The following ATP10B variants were observed in gnomAD, a reference collection of about 807,000 sequenced individuals.
ATP10B encodes ATPase phospholipid transporting 10B (putative).
Under a neutral mutation model 141.2 loss-of-function variants are expected in ATP10B, and 122 were observed. The ratio of observed to expected loss-of-function variants is 0.86; its 90% confidence interval spans 0.75 to 1.00. The LOEUF is 1.00. Among genes scored for constraint, ATP10B ranks in the 50% least tolerant of loss-of-function variants. ATP10B has a pLI of 0.00. For missense variants in ATP10B, 1,876 were observed against 1,825.3 expected, an observed-to-expected ratio of 1.03 and a Z score of -0.51; for synonymous variants, 685 against 692.0, an observed-to-expected ratio of 0.99 and a Z score of 0.16.
intron 15 of ATP10B, among the ~76,000 whole-genome samples, 193 bp from the exon 16 acceptor site, chr5:160,618,166 G>A (rs1334608993): frequency 6.6e-6 from 1 of 152,172 alleles, no homozygotes. Flanking sequence ...GAGTCCTTAA[G>A]CTGTCTGCTC....
At chr5:160,922,179 T>C in the ATP10B span, among the ~76,000 whole-genome samples, 2 of 152,154 alleles carry the variant, frequency 1.3e-5, no homozygotes, top group African/African-American at 4.8e-5. Context: ...AGAGGTAGAT[T>C]CACTGTGTAG....
chr5:160,598,715 G>T, intron 22 of ATP10B, 55 bp downstream of exon 22: 3 of 1,546,730 alleles, frequency 1.9e-6, no homozygotes, highest in Middle Eastern at 3.9e-4. Flanking sequence ...CAGAGGGGAG[G>T]TAGAGGTCAG....
intron 1 of ATP10B, among the ~76,000 whole-genome samples, chr5:160,828,162 T>C (rs964948711): frequency 2.5e-4 from 38 of 152,136 alleles, no homozygotes; most frequent in African/African-American, 9.2e-4. Flanking sequence ...AAGGACTTCA[T>C]GTCTAAAACA....
intron 6 of ATP10B, among the ~76,000 whole-genome samples, chr5:160,677,819 C>T (rs907455096): frequency 2.0e-5 from 3 of 152,222 alleles, no homozygotes; most frequent in Non-Finnish European, 4.4e-5. Context: ...ATAGCCCTGG[C>T]AAAGCTTAAA....
chr5:160,616,056 T>A, intron 16 of ATP10B, 92 bp from the exon 17 acceptor site: 1 of 1,416,322 alleles, frequency 7.1e-7, no homozygotes, highest in Admixed American at 2.4e-5. Flanking sequence ...CCTATTGGCC[T>A]GTTTGAACTT....
At chr5:160,798,154 G>A (rs1275721530) in intron 1 of ATP10B, among the ~76,000 whole-genome samples, 1 of 152,006 alleles carries the variant, frequency 6.6e-6, no homozygotes, top group Non-Finnish European at 1.5e-5. Flanking sequence ...GAGAGGACTT[G>A]GAAGTTCAAA....
At chr5:160,579,692 T>C (rs779548207) in intron 24 of ATP10B, among the ~76,000 whole-genome samples, 1 of 152,216 alleles carries the variant, frequency 6.6e-6, no homozygotes, top group Non-Finnish European at 1.5e-5. Context: ...ATTTTTCCAG[T>C]TCTGTGGAGA....
intron 1 of ATP10B, among the ~76,000 whole-genome samples, chr5:160,788,306 G>A (rs578127443): frequency 1.1e-4 from 17 of 152,246 alleles, no homozygotes; most frequent in East Asian, 3.9e-4. Context: ...ACAGCAAGAC[G>A]CCCAGGCCTT....
intron 16 of ATP10B, 59 bp downstream of exon 16, chr5:160,617,805 G>T (rs1758106943): frequency 2.1e-6 from 3 of 1,399,558 alleles, no homozygotes; most frequent in East Asian, 2.3e-5. Context: ...AAGAAGCAGG[G>T]TCAAGGCCAT....
At chr5:160,850,486 T>C (rs1361299082) in intron 1 of ATP10B, among the ~76,000 whole-genome samples, 2 of 152,080 alleles carry the variant, frequency 1.3e-5, no homozygotes, top group Admixed American at 1.3e-4. Flanking sequence ...CCTTGGACTC[T>C]GGTGTCCTTT....
rs73818112 is a variant in ATP10B at position 160,634,739 on chromosome 5, C to T, written c.1129-133G>A. On this transcript the variant is annotated intron_variant, in intron 11 of 25. Coordinates refer to ENST00000327245, the MANE Select transcript of ATP10B (RefSeq NM_025153.3). ...CAGGACAGACTCTCTGTGAAATTAA[C>T]GGTCAATGACCTCATGCATCCCTTG... 5.3e-3 allele frequency: 4,958 copies of T among 938,456 alleles called. 160 individuals carry two copies. In the African/African-American group the frequency reaches 0.071, roughly 13 times the overall value. 58.1% of individuals were successfully genotyped at this position (938,456 alleles called of 1,614,324 possible).
At chr5:160,588,868 A>G (rs1301675446) in intron 24 of ATP10B, among the ~76,000 whole-genome samples, 1 of 152,182 alleles carries the variant, frequency 6.6e-6, no homozygotes, top group African/African-American at 2.4e-5. Context: ...AAAATGTGAC[A>G]TTTGGATATG....
the ATP10B span, among the ~76,000 whole-genome samples, chr5:160,914,833 G>A: frequency 7.9e-3 from 1,196 of 152,260 alleles, 19 homozygotes; most frequent in African/African-American, 0.027. Context: ...CATTTCAAAG[G>A]ACCATGAAAA....
At chr5:160,821,728 G>C (rs983220978) in intron 1 of ATP10B, among the ~76,000 whole-genome samples, 1 of 151,908 alleles carries the variant, frequency 6.6e-6, no homozygotes, top group African/African-American at 2.4e-5. Context: ...ACTAAGTTTT[G>C]GGAAAAGGTG....
At chr5:160,816,036 A>G (rs2127954254) in intron 1 of ATP10B, among the ~76,000 whole-genome samples, 1 of 152,092 alleles carries the variant, frequency 6.6e-6, no homozygotes, top group South Asian at 2.1e-4. Flanking sequence ...AATTTATAGC[A>G]CTAAATGCCC....
the ATP10B span, among the ~76,000 whole-genome samples, chr5:160,893,004 G>A: frequency 6.6e-6 from 1 of 152,148 alleles, no homozygotes; most frequent in South Asian, 2.1e-4. Flanking sequence ...GATGAACGGT[G>A]CACTCCAGCC....
rs752018914 is a variant in ATP10B, at chr5:160,620,700, C to T, written c.2063G>A (p.Gly688Asp). The T allele has an allele frequency of 2.5e-6, 4 of 1,614,018 alleles. No individual in the cohort carries two copies. Among genetic ancestry groups the T allele is most frequent in the South Asian group, 1.1e-5 (1 of 91,084 alleles). Residue 688 changes from glycine (G) to aspartate (D), a missense_variant, in exon 15 of 26, where the codon GGC becomes GAC. By Grantham distance (94) the Gly-to-Asp change is moderately conservative. Transcript: ENST00000327245. ...GGYRSSMWDQ[G>D]DILESGSGTS... ...GCCTGACCCAGACTCCAGGATGTCGCCCTGGTCCCACATGCTGCTCCTGTA... is the reference window on the plus strand; with the variant it reads ...GCCTGACCCAGACTCCAGGATGTCGTCCTGGTCCCACATGCTGCTCCTGTA...
At chr5:160,602,526 G>A (rs758514722) in intron 21 of ATP10B, 51 bp downstream of exon 21, 56 of 1,610,090 alleles carry the variant, frequency 3.5e-5, no homozygotes, top group South Asian at 7.7e-5. Context: ...ATCTGGCCCC[G>A]TGGCAAGGCC....
At chr5:160,598,490 AAT>A (rs1756881911) in intron 22 of ATP10B, among the ~76,000 whole-genome samples, 1 of 152,014 alleles carries the variant, frequency 6.6e-6, no homozygotes, top group Non-Finnish European at 1.5e-5. Flanking sequence ...ATACATATGA[AAT>A]TAACCTGTAC....
Sources: gnomAD v4.1 joint callset for allele counts (sites outside exome capture counted in the v4.1 genomes callset) on GRCh38, gnomAD v4.1.1 for gene constraint, MANE v1.5 for transcripts, NCBI Gene and HGNC (gene_info 2026-07-23, HGNC 2026-07-21) for gene names.